LMNTD1: variants seen among roughly 807,000 people sequenced by gnomAD.
LMNTD1 encodes lamin tail domain-containing protein 1.
LMNTD1 carries 35 observed loss-of-function variants against 50.9 expected under a neutral mutation model. The ratio of observed to expected loss-of-function variants is 0.69; its 90% confidence interval spans 0.53 to 0.91. LMNTD1 has a LOEUF of 0.91. LMNTD1 is among the 40% of genes least tolerant of loss of function. The pLI is 0.00. For synonymous variants in LMNTD1, 153 were observed against 161.9 expected (o/e 0.94, Z 0.42); for missense variants, 470 against 475.5 (o/e 0.99, Z 0.11).
rs180963285 is a variant in LMNTD1, at chr12:25,483,630, G to A, written c.*23-7170C>T. ...CTACTAAAAATACAAAAATTAGCCG[G>A]TCATGGTGGCGCTTGCCTGTAGTCC... On this transcript the variant is annotated intron_variant, in intron 9 of 9. Coordinates refer to ENST00000458174, the MANE Select transcript of LMNTD1 (RefSeq NM_001145728.2). Among the ~76,000 whole-genome samples, 28 of 151,756 alleles carry A rather than the reference G, an allele frequency of 1.8e-4. 1 individual carries two copies. The highest frequency in any genetic ancestry group is 4.9e-4 in the African/African-American group (20 of 41,172).
intron 1 of LMNTD1, among the ~76,000 whole-genome samples, chr12:25,627,659 C>T (rs1175493927): frequency 6.6e-6 from 1 of 152,190 alleles, no homozygotes; most frequent in Non-Finnish European, 1.5e-5. Context: ...CATCTGGTAT[C>T]ACCACAGGAC....
At chr12:25,618,784 A>C (rs1162095359) in intron 1 of LMNTD1, among the ~76,000 whole-genome samples, 1 of 152,228 alleles carries the variant, frequency 6.6e-6, no homozygotes, top group Non-Finnish European at 1.5e-5. Context: ...AATTAATGAT[A>C]AGCCTAAATA....
At chr12:25,487,002 T>G (rs1233479315) in intron 9 of LMNTD1, among the ~76,000 whole-genome samples, 4 of 151,480 alleles carry the variant, frequency 2.6e-5, no homozygotes, top group African/African-American at 9.7e-5. Flanking sequence ...TGAGAGACAG[T>G]TTGTTATAAT....
intron 1 of LMNTD1, among the ~76,000 whole-genome samples, chr12:25,608,007 T>C (rs1050491207): frequency 2.0e-5 from 3 of 152,194 alleles, no homozygotes; most frequent in South Asian, 2.1e-4. Flanking sequence ...GCTTTATGAA[T>C]CTGGGTGCTC....
intron 1 of LMNTD1, among the ~76,000 whole-genome samples, chr12:25,627,891 C>T (rs1047308218): frequency 2.6e-5 from 4 of 151,660 alleles, no homozygotes; most frequent in Non-Finnish European, 5.9e-5. Flanking sequence ...GGGCGGATCA[C>T]GAGGTCAGGA....
At chr12:25,477,313 G>T (rs1938302062) in intron 9 of LMNTD1, among the ~76,000 whole-genome samples, 1 of 152,100 alleles carries the variant, frequency 6.6e-6, no homozygotes, top group Non-Finnish European at 1.5e-5. Flanking sequence ...GGGGAAAAAG[G>T]CGACAGAGAG....
intron 1 of LMNTD1, among the ~76,000 whole-genome samples, chr12:25,580,276 A>G (rs914532547): frequency 6.6e-6 from 1 of 152,040 alleles, no homozygotes; most frequent in Non-Finnish European, 1.5e-5. Context: ...TGATGTTTTC[A>G]TGTATCTCTA....
At chr12:25,607,266 A>G (rs898691158) in intron 1 of LMNTD1, among the ~76,000 whole-genome samples, 2 of 152,004 alleles carry the variant, frequency 1.3e-5, no homozygotes, top group African/African-American at 4.8e-5. Context: ...AACTTTGTTG[A>G]TCTTTTCAAA....
At chr12:25,641,111 G>A (rs1314412480) in intron 1 of LMNTD1, among the ~76,000 whole-genome samples, 2 of 152,166 alleles carry the variant, frequency 1.3e-5, no homozygotes, top group Admixed American at 6.6e-5. Flanking sequence ...ACTGTGTTTG[G>A]CATGTAGTAT....
At position 25,587,438 on chromosome 12, in the gene LMNTD1, T is replaced by C. The variant is rs142499979; in HGVS notation, c.59-40884A>G. 5.1e-3 allele frequency among the ~76,000 whole-genome samples: 771 copies of C among 152,328 alleles called. 4 individuals are homozygous for C. Among genetic ancestry groups the C allele is most frequent in the Non-Finnish European group, 7.2e-3 (491 of 68,032 alleles). On this transcript the variant is annotated intron_variant, in intron 1 of 7. Transcript: ENST00000445693. ...AAGGGAAGCAGGAGCAGGCACGTCA[T>C]ATGGCGAGAGCAGAAGCAAGAGAGA... is the stretch of plus-strand genomic sequence containing the variant.
chr12:25,502,725 C>A (rs1314504624), intron 9 of LMNTD1, among the ~76,000 whole-genome samples: 1 of 152,118 alleles, frequency 6.6e-6, no homozygotes, highest in Non-Finnish European at 1.5e-5. Flanking sequence ...AGGAAGTTGG[C>A]AGTTCAAGGA....
intron 1 of LMNTD1, among the ~76,000 whole-genome samples, chr12:25,594,272 A>G (rs1208310776): frequency 6.6e-6 from 1 of 152,212 alleles, no homozygotes; most frequent in Non-Finnish European, 1.5e-5. Flanking sequence ...CAGGTTATCT[A>G]AAGTTAAGAT....
At chr12:25,625,213 C>T (rs1052824938) in intron 1 of LMNTD1, among the ~76,000 whole-genome samples, 4 of 152,248 alleles carry the variant, frequency 2.6e-5, no homozygotes, top group Non-Finnish European at 5.9e-5. Context: ...TGATTTCACA[C>T]GACCCTTCAA....
chr12:25,529,451 T>G (rs1379387128), intron 4 of LMNTD1, among the ~76,000 whole-genome samples: 1 of 152,164 alleles, frequency 6.6e-6, no homozygotes, highest in Non-Finnish European at 1.5e-5. Context: ...AAATTTACTC[T>G]CCCAACTAGG....
chr12:25,503,567 A>G (rs1939508896), intron 9 of LMNTD1, among the ~76,000 whole-genome samples, 171 bp downstream of exon 9: 1 of 152,226 alleles, frequency 6.6e-6, no homozygotes, highest in Non-Finnish European at 1.5e-5. Flanking sequence ...TTCAACATGA[A>G]GACAAAAACT....
At chr12:25,598,392 C>T in intron 1 of LMNTD1, among the ~76,000 whole-genome samples, 1 of 148,966 alleles carries the variant, frequency 6.7e-6, no homozygotes, top group East Asian at 1.9e-4. Context: ...TAAATGCCTA[C>T]ATCAAAAAAA....
At chr12:25,500,249 G>T (rs1007655728) in intron 9 of LMNTD1, among the ~76,000 whole-genome samples, 1 of 152,130 alleles carries the variant, frequency 6.6e-6, no homozygotes, top group Non-Finnish European at 1.5e-5. Flanking sequence ...CTTTAGGGCA[G>T]GTTTCACATT....
chr12:25,607,640 G>A (rs7137260), intron 1 of LMNTD1, among the ~76,000 whole-genome samples: 74,498 of 152,026 alleles, frequency 0.49, 21,775 homozygotes, highest in Non-Finnish European at 0.67. Context: ...GTAGTTGAGC[G>A]GTTTTGAGTG....
chr12:25,514,968 A>C (rs1940644949), intron 8 of LMNTD1, among the ~76,000 whole-genome samples: 1 of 152,168 alleles, frequency 6.6e-6, no homozygotes, highest in Non-Finnish European at 1.5e-5. Context: ...GGGAGTATAA[A>C]TTAGCAAAAT....
Sources: allele counts gnomAD v4.1 joint callset (sites outside exome capture counted in the v4.1 genomes callset), GRCh38; gene constraint gnomAD v4.1.1; transcripts MANE v1.5; gene names NCBI Gene and HGNC (gene_info 2026-07-23, HGNC 2026-07-21).